The following CNTN5 variants were observed in gnomAD, a reference collection of about 807,000 sequenced individuals.
CNTN5 encodes contactin 5.
CNTN5 carries 77 observed loss-of-function variants against 129.1 expected under a neutral mutation model. That is an observed-to-expected ratio of 0.60 (90% CI 0.50 to 0.72). The LOEUF (loss-of-function observed/expected upper bound fraction) is 0.72. Among genes scored for constraint, CNTN5 ranks in the 30% least tolerant of loss-of-function variants. The probability of loss-of-function intolerance (pLI) is 0.00; values close to 1 mark genes in which losing one functional copy is unlikely to be tolerated. For synonymous variants in CNTN5, 509 were observed against 465.6 expected (o/e 1.09, Z -1.20); for missense variants, 1,478 against 1,328.8 (o/e 1.11, Z -1.75).
rs554223481 is a variant in CNTN5 at position 99,886,290 on chromosome 11, A to G, written c.578-29764A>G. Among the ~76,000 whole-genome samples, 3 of 152,242 alleles carry G rather than the reference A, an allele frequency of 2.0e-5. No homozygotes were observed. The South Asian group carries it at 6.2e-4, about 32-fold the overall frequency. On this transcript the variant is annotated intron_variant, in intron 6 of 24. Transcript: ENST00000524871. ...TCTGAGGAAAAAGATCTGGACATAT[A>G]TAACTGACAAGTGATTAGTAATCAA... is the stretch of plus-strand genomic sequence containing the variant.
chr11:100,250,237 GTTTGA>G lies in CNTN5; in HGVS notation c.2006-5519_2006-5515del, dbSNP rs546539605. ...AAAAAACCCTGTTAACCCAAATATA[GTTTGA>G]TTTAACAAAAATGAAACTTAAATCG... On this transcript the variant is annotated intron_variant, in intron 16 of 24. Transcript: ENST00000524871. Among the ~76,000 whole-genome samples, 753 of 151,992 alleles carry G rather than the reference GTTTGA, an allele frequency of 5.0e-3. 8 individuals carry two copies. The highest frequency in any genetic ancestry group is 0.017 in the African/African-American group (718 of 41,496).
intron 24 of CNTN5, among the ~76,000 whole-genome samples, chr11:100,355,848 C>T (rs994096686): frequency 1.3e-5 from 2 of 151,684 alleles, no homozygotes; most frequent in Non-Finnish European, 3.0e-5. Flanking sequence ...ATTTGGAATA[C>T]TTTCATCATT....
In CNTN5 at chr11:99,908,917, T is replaced by C. The variant is rs925949720; in HGVS notation, c.578-7137T>C. On this transcript the variant is annotated intron_variant, in intron 6 of 24. Transcript: ENST00000524871. The stretch of plus-strand genomic sequence containing the variant: ...GAGGACTGATTAATGTCTGATAATA[T>C]GTAAAGTGAAAATGGCAAGCCATAG... 2.6e-5 allele frequency among the ~76,000 whole-genome samples: 4 copies of C among 152,224 alleles called. No individual in the cohort carries two copies. The East Asian group carries it at 7.7e-4, about 29-fold the overall frequency.
At position 100,358,197 on chromosome 11, in the gene CNTN5, C is replaced by G. The variant is rs543870805; in HGVS notation, c.*1977C>G. On this transcript the variant is annotated 3_prime_UTR_variant, in exon 25 of 25. Coordinates refer to ENST00000524871, the MANE Select transcript of CNTN5 (RefSeq NM_014361.4). ...TGAATCAAGCCATTTTCTTCATTTT[C>G]CATGGTGGTGTACACCAGATTTAGT... 1 of 151,952 alleles carries G rather than the reference C, an allele frequency of 6.6e-6. No homozygotes were observed. Among genetic ancestry groups the G allele is most frequent in the East Asian group, 1.9e-4 (1 of 5,166 alleles). 9.4% of individuals were successfully genotyped at this position (151,952 alleles called of 1,614,324 possible).
At chr11:100,171,196 C>T (rs1339466732) in intron 13 of CNTN5, among the ~76,000 whole-genome samples, 8 of 151,938 alleles carry the variant, frequency 5.3e-5, no homozygotes, top group Non-Finnish European at 1.2e-4. Context: ...AGCTTAGCCA[C>T]GGTCAAGCTT....
At position 99,967,414 on chromosome 11, in the gene CNTN5, C is replaced by T. The variant is rs191280584; in HGVS notation, c.877+10405C>T. On this transcript the variant is annotated intron_variant, in intron 8 of 24. Coordinates refer to ENST00000524871, the MANE Select transcript of CNTN5 (RefSeq NM_014361.4). ...GGGATACAATGGAGGGTGAAGCAAA[C>T]GTAACTATCCTTGTGTAGCTTCCAA... Among the ~76,000 whole-genome samples the T allele has an allele frequency of 1.6e-3, 241 of 152,206 alleles. 1 individual carries two copies. The highest frequency in any genetic ancestry group is 8.8e-4 in the Non-Finnish European group (60 of 67,998).
chr11:99,668,546 C>T (rs1952895166), intron 3 of CNTN5, among the ~76,000 whole-genome samples: 1 of 152,126 alleles, frequency 6.6e-6, no homozygotes, highest in South Asian at 2.1e-4. Flanking sequence ...TGTTTCCTGC[C>T]ATGCTTCAGG....
At chr11:99,861,761 C>T (rs1948214490) in intron 6 of CNTN5, among the ~76,000 whole-genome samples, 1 of 152,150 alleles carries the variant, frequency 6.6e-6, no homozygotes, top group Non-Finnish European at 1.5e-5. Context: ...ACAATCCAGC[C>T]TATTGTGATT....
Position 100,244,502 on chromosome 11 carries a change from T to C in CNTN5, c.2006-11258T>C, listed in dbSNP as rs1010880069. Reference sequence around the variant, plus strand: ...CTTCATCTTTCAAAACCTTCAAGTTTAACTTTTTATTTCTATCTTCACATG... The same window carrying C: ...CTTCATCTTTCAAAACCTTCAAGTTCAACTTTTTATTTCTATCTTCACATG... On this transcript the variant is annotated intron_variant, in intron 16 of 24. Coordinates refer to ENST00000524871, the MANE Select transcript of CNTN5 (RefSeq NM_014361.4). Among the ~76,000 whole-genome samples, 3 of 152,202 alleles carry C rather than the reference T, an allele frequency of 2.0e-5. No individual in the cohort carries two copies. In the South Asian group the frequency reaches 6.2e-4, roughly 31 times the overall value.
chr11:99,652,558 C>A (rs771378191), intron 3 of CNTN5, among the ~76,000 whole-genome samples: 4 of 152,016 alleles, frequency 2.6e-5, no homozygotes, highest in African/African-American at 7.2e-5. Context: ...TTGAATCTTA[C>A]AAGGCTGTAG....
intron 13 of CNTN5, among the ~76,000 whole-genome samples, chr11:100,083,150 T>C (rs574579373): frequency 6.6e-6 from 1 of 152,098 alleles, no homozygotes; most frequent in East Asian, 1.9e-4. Context: ...ACACTGTTTC[T>C]ACTAAAAATA....
chr11:99,789,969 A>G (rs769299153), intron 3 of CNTN5, among the ~76,000 whole-genome samples: 4 of 151,848 alleles, frequency 2.6e-5, no homozygotes, highest in Non-Finnish European at 5.9e-5. Context: ...TTTTGTTGCC[A>G]TCTTTATGTC....
At chr11:100,120,222 T>G (rs1379461749) in intron 13 of CNTN5, among the ~76,000 whole-genome samples, 1 of 151,980 alleles carries the variant, frequency 6.6e-6, no homozygotes, top group East Asian at 1.9e-4. Context: ...AGTTACTTAC[T>G]TGGAATTTTT....
At chr11:99,554,156 GA>G (rs1224438997) in intron 2 of CNTN5, among the ~76,000 whole-genome samples, 1 of 152,030 alleles carries the variant, frequency 6.6e-6, no homozygotes, top group Non-Finnish European at 1.5e-5. Flanking sequence ...GGCATCTTAT[GA>G]AAAGTGCTTC....
In CNTN5 at chr11:100,065,971, G is replaced by GTAT. The variant is rs556152878; in HGVS notation, c.1163-4452_1163-4451insATT. ...AATGATATAAAATTGTTGATTCCTG[G>GTAT]TTAATAATTTCATACCTAAAGACAG... is the stretch of plus-strand genomic sequence containing the variant. On this transcript the variant is annotated intron_variant, in intron 10 of 24. Transcript: ENST00000524871. Among the ~76,000 whole-genome samples, 87 of 151,962 alleles carry GTAT rather than the reference G, an allele frequency of 5.7e-4. 1 individual carries two copies. The East Asian group carries it at 0.014, about 24-fold the overall frequency.
chr11:99,131,355 C>G (rs147632973), intron 1 of CNTN5, among the ~76,000 whole-genome samples: 1 of 150,358 alleles, frequency 6.7e-6, no homozygotes, highest in East Asian at 2.0e-4. Flanking sequence ...AACTAGAGAA[C>G]CAAGAGCAAA....
intron 8 of CNTN5, among the ~76,000 whole-genome samples, chr11:99,962,638 A>G (rs1950980614): frequency 6.6e-6 from 1 of 150,904 alleles, no homozygotes; most frequent in Non-Finnish European, 1.5e-5. Flanking sequence ...GTGTCTTTAT[A>G]GCAGCATGAT....
At chr11:100,155,035 T>C (rs1947192402) in intron 13 of CNTN5, among the ~76,000 whole-genome samples, 1 of 152,160 alleles carries the variant, frequency 6.6e-6, no homozygotes, top group Non-Finnish European at 1.5e-5. Context: ...TTAGATCCCA[T>C]TAGTCAATTT....
In CNTN5 at chr11:100,072,414, A is replaced by G. The variant is rs1037155226; in HGVS notation, c.1429+580A>G. Among the ~76,000 whole-genome samples the G allele has an allele frequency of 2.0e-5, 3 of 152,326 alleles. No homozygotes were observed. The East Asian group carries it at 5.8e-4, about 29-fold the overall frequency. ...AACCCAGGCACTGCATTTCTTCACTATTTAAATACTACAGGAAACAATCCA... is the reference window on the plus strand; with the variant it reads ...AACCCAGGCACTGCATTTCTTCACTGTTTAAATACTACAGGAAACAATCCA... On this transcript the variant is annotated intron_variant, in intron 12 of 24. Coordinates refer to ENST00000524871, the MANE Select transcript of CNTN5 (RefSeq NM_014361.4).
Sources: allele counts gnomAD v4.1 joint callset (sites outside exome capture counted in the v4.1 genomes callset), GRCh38; gene constraint gnomAD v4.1.1; transcripts MANE v1.5; gene names NCBI Gene and HGNC (gene_info 2026-07-23, HGNC 2026-07-21).